RBM33: variants seen among roughly 807,000 people sequenced by gnomAD.
RBM33 encodes the protein RNA binding motif protein 33, also known as RNA-binding protein 33.
Under a neutral mutation model 132.6 loss-of-function variants are expected in RBM33, and 28 were observed. The ratio of observed to expected loss-of-function variants is 0.21; its 90% CI spans 0.16 to 0.29. The LOEUF is 0.29. RBM33 is among the 10% of genes least tolerant of loss of function. The pLI, the probability that RBM33 is intolerant of heterozygous loss-of-function variation, is 1.00. For synonymous variants in RBM33, 634 were observed against 593.0 expected, an observed-to-expected ratio of 1.07 and a Z score of -1.01; for missense variants, 1,291 against 1,518.5, an observed-to-expected ratio of 0.85 and a Z score of 2.49.
chr7:155,705,426 G>A (rs1800085087), intron 6 of RBM33, among the ~76,000 whole-genome samples: 1 of 152,184 alleles, frequency 6.6e-6, no homozygotes, highest in Non-Finnish European at 1.5e-5. Context: ...GTCTATGCTG[G>A]TTAAGAAGAG....
chr7:155,738,429 G>C, intron 11 of RBM33, 26 bp downstream of exon 11: 1 of 1,571,962 alleles, frequency 6.4e-7, no homozygotes, highest in Non-Finnish European at 8.7e-7. Flanking sequence ...TGAACCTCCA[G>C]GGAAAAAATG....
At chr7:155,717,913 C>A (rs1800513352) in intron 8 of RBM33, among the ~76,000 whole-genome samples, 1 of 152,140 alleles carries the variant, frequency 6.6e-6, no homozygotes, top group Admixed American at 6.5e-5. Context: ...TTCTCCAATT[C>A]CTGGGATGTG....
chr7:155,736,761 A>G (rs540473649), intron 9 of RBM33, among the ~76,000 whole-genome samples: 13 of 152,368 alleles, frequency 8.5e-5, no homozygotes, highest in African/African-American at 2.9e-4. Flanking sequence ...GTCCTGTTAA[A>G]TAGCAAAGAT....
At chr7:155,735,218 C>G (rs1801077896) in intron 9 of RBM33, among the ~76,000 whole-genome samples, 1 of 152,136 alleles carries the variant, frequency 6.6e-6, no homozygotes, top group Non-Finnish European at 1.5e-5. Context: ...ATGTTCACAC[C>G]ATGTGTTTCA....
chr7:155,728,284 C>G (rs1247901079), intron 9 of RBM33, among the ~76,000 whole-genome samples: 2 of 152,174 alleles, frequency 1.3e-5, no homozygotes, highest in East Asian at 3.9e-4. Context: ...GGGCCAGCCT[C>G]TCCACCTGTA....
At chr7:155,735,829 GT>G (rs141196176) in intron 9 of RBM33, among the ~76,000 whole-genome samples, 5,477 of 152,144 alleles carry the variant, frequency 0.036, 325 homozygotes, top group African/African-American at 0.12. Context: ...TATATGATAT[GT>G]ATTCTCACTT....
intron 7 of RBM33, among the ~76,000 whole-genome samples, chr7:155,708,685 G>A (rs987415237): frequency 6.6e-6 from 1 of 152,190 alleles, no homozygotes; most frequent in African/African-American, 2.4e-5. Context: ...TGTACTAGGA[G>A]TAAACTAGAC....
Position 155,776,941 on chromosome 7 carries a change from C to CTTA in RBM33, c.*1901_*1902insTAT, listed in dbSNP as rs1802631193. The CTTA allele has an allele frequency of 6.6e-6, 1 of 152,122 alleles. No individual in the cohort carries two copies. Among genetic ancestry groups the CTTA allele is most frequent in the Non-Finnish European group, 1.5e-5 (1 of 68,032 alleles). 9.4% of individuals were successfully genotyped at this position (152,122 alleles called of 1,614,324 possible). A position where few individuals can be genotyped will look rare whatever the true frequency, so the allele number is the denominator to read the frequency against. ...TGGTGACTTTGGTAGCCCTTGAGCT[C>CTTA]TAATTAAGAGAGATCCAAACCACTC... On this transcript the variant is annotated 3_prime_UTR_variant, in exon 18 of 18. Coordinates refer to ENST00000401878, the MANE Select transcript of RBM33 (RefSeq NM_053043.3). The surrounding 1 kb of genome is among the most constrained non-coding windows in gnomAD (Gnocchi z 4.0).
At chr7:155,688,383 C>T (rs574852551) in intron 5 of RBM33, among the ~76,000 whole-genome samples, 33 of 152,124 alleles carry the variant, frequency 2.2e-4, no homozygotes, top group Non-Finnish European at 4.0e-4. Context: ...TGGGCTGAGA[C>T]GATGGGGTTT....
At chr7:155,713,806 GT>G (rs1800378313) in intron 8 of RBM33, among the ~76,000 whole-genome samples, 1 of 152,198 alleles carries the variant, frequency 6.6e-6, no homozygotes, top group Non-Finnish European at 1.5e-5. Flanking sequence ...AAAAGAGCTA[GT>G]TAAGAAGGAA....
rs1213154682 is a variant in RBM33 at position 155,714,762 on chromosome 7, A to G, written c.1201+3307A>G. On this transcript the variant is annotated intron_variant, in intron 8 of 17. Coordinates refer to ENST00000401878, the MANE Select transcript of RBM33 (RefSeq NM_053043.3). ...GGGATTCCTAAGGGTGTGGGAGAGA[A>G]GTTTCAGAAGTGGAGAGTAGCCTAA... is the stretch of plus-strand genomic sequence containing the variant. Among the ~76,000 whole-genome samples the G allele has an allele frequency of 7.9e-5, 12 of 152,254 alleles. No individual in the cohort carries two copies. The Middle Eastern group carries it at 0.01, about 129-fold the overall frequency.
chr7:155,723,847 C>T (rs1382442675), intron 9 of RBM33, among the ~76,000 whole-genome samples: 1 of 152,174 alleles, frequency 6.6e-6, no homozygotes, highest in Admixed American at 6.5e-5. Context: ...GTCCCTTGTA[C>T]AACATGTGTA....
intron 3 of RBM33, among the ~76,000 whole-genome samples, chr7:155,673,421 T>G (rs866939010): frequency 0.034 from 5,151 of 150,624 alleles, 124 homozygotes; most frequent in Admixed American, 0.037. Flanking sequence ...TGTGTGTGTG[T>G]GTGTGTGTGT....
intron 14 of RBM33, among the ~76,000 whole-genome samples, chr7:155,755,303 T>C (rs1418089853): frequency 1.3e-5 from 2 of 152,220 alleles, no homozygotes; most frequent in Admixed American, 1.3e-4. Flanking sequence ...CTTCTGTGTG[T>C]CCTGACAATG....
intron 14 of RBM33, among the ~76,000 whole-genome samples, chr7:155,759,385 C>T (rs1234893921): frequency 4.0e-5 from 6 of 148,198 alleles, no homozygotes; most frequent in African/African-American, 5.0e-5. Context: ...TTTTCTTATT[C>T]GGGGTATTTA....
chr7:155,654,240 T>G (rs1798432461), intron 1 of RBM33, among the ~76,000 whole-genome samples: 1 of 152,338 alleles, frequency 6.6e-6, no homozygotes, highest in South Asian at 2.1e-4. Context: ...TCAACATGCC[T>G]TGGAATTTCT....
intron 5 of RBM33, among the ~76,000 whole-genome samples, chr7:155,700,545 C>CTTTTTTTTTTTTTTT (rs1563150189): frequency 1.2e-5 from 1 of 82,804 alleles, no homozygotes; most frequent in African/African-American, 4.3e-5. Context: ...AAGAATTTGA[C>CTTTTTTTTTTTTTTT]CTTTTTTTTT....
intron 13 of RBM33, among the ~76,000 whole-genome samples, chr7:155,742,768 G>A (rs1266600486): frequency 6.6e-6 from 1 of 152,206 alleles, no homozygotes; most frequent in East Asian, 1.9e-4. Flanking sequence ...AACAATCAAT[G>A]CAGCTCAGTC....
chr7:155,700,739 T>C, intron 5 of RBM33, 34 bp from the exon 6 acceptor site: 1 of 1,438,854 alleles, frequency 6.9e-7, no homozygotes, highest in Non-Finnish European at 9.4e-7. Flanking sequence ...ATGAACTTAC[T>C]GTCCTTTTTT....
Sources: allele counts gnomAD v4.1 joint callset (sites outside exome capture counted in the v4.1 genomes callset), GRCh38; gene constraint gnomAD v4.1.1; non-coding constraint Gnocchi (gnomAD v3.1); transcripts MANE v1.5; gene names NCBI Gene and HGNC (gene_info 2026-07-23, HGNC 2026-07-21).